The following DNAH11 variants were observed in gnomAD, a reference collection of about 807,000 sequenced individuals.
DNAH11 encodes the protein dynein axonemal heavy chain 11.
In DNAH11, 442 loss-of-function variants were observed where a neutral mutation model predicts 526.0. The ratio of observed to expected loss-of-function variants is 0.84; its 90% confidence interval spans 0.78 to 0.91. The LOEUF (loss-of-function observed/expected upper bound fraction) is 0.91. DNAH11 is among the 40% of genes least tolerant of loss of function. The pLI, the probability that DNAH11 is intolerant of heterozygous loss-of-function variation, is 0.00. For missense variants in DNAH11, 6,989 were observed against 5,448.7 expected (o/e 1.28, Z -8.90); for synonymous variants, 2,461 against 1,935.9 (o/e 1.27, Z -7.12).
In DNAH11 at chr7:21,639,091, A is replaced by G. The variant is rs765574746; in HGVS notation, c.4944+26A>G. ...GTAATATTTTTTTTGAAAGTCTCGT[A>G]TTATACTGTGTTAGCTGAGGAATGT... On this transcript the variant is annotated intron_variant, in intron 28 of 81. Transcript: ENST00000409508. 33 of 1,600,298 alleles carry G rather than the reference A, an allele frequency of 2.1e-5. No homozygotes were observed. In the East Asian group the frequency reaches 5.1e-4, roughly 25 times the overall value.
chr7:21,631,369 A>C (rs1179374352), intron 25 of DNAH11, among the ~76,000 whole-genome samples: 1 of 152,174 alleles, frequency 6.6e-6, no homozygotes, highest in Non-Finnish European at 1.5e-5. Context: ...TGCCTTCCCA[A>C]CAGTCCCCGA....
rs4722061 is a variant in DNAH11, at chr7:21,842,973, C to G, written c.10896+225C>G. ...CGTAGGAGATAGGGTGGCTCTGGAT[C>G]TTGTTTGAGGGCAAACAAAGAGGCA... On this transcript the variant is annotated intron_variant, in intron 66 of 81. Coordinates refer to ENST00000409508, the MANE Select transcript of DNAH11 (RefSeq NM_001277115.2). Among the ~76,000 whole-genome samples the G allele has an allele frequency of 0.47, 71,096 of 152,058 alleles. 19,117 individuals carry two copies. Among genetic ancestry groups the G allele is most frequent in the Non-Finnish European group, 0.61 (41,786 of 67,994 alleles).
At chr7:21,634,422 C>T (rs1365663395) in intron 25 of DNAH11, among the ~76,000 whole-genome samples, 2 of 152,260 alleles carry the variant, frequency 1.3e-5, no homozygotes, top group Middle Eastern at 3.4e-3. Context: ...ACTGTAATGT[C>T]ATAGAGAAGT....
chr7:21,898,691 T>A lies in DNAH11; in HGVS notation c.13050-645T>A, dbSNP rs181483802. On this transcript the variant is annotated intron_variant, in intron 79 of 81. Transcript: ENST00000409508. ...TGAGCCAGCTTCCTTATAGGTCAAC[T>A]GCAAATACTTCCTACCTTGCCCAAT... is the stretch of plus-strand genomic sequence containing the variant. Among the ~76,000 whole-genome samples the A allele has an allele frequency of 1.6e-4, 25 of 152,358 alleles. No individual in the cohort carries two copies. The East Asian group carries it at 4.2e-3, about 26-fold the overall frequency.
intron 70 of DNAH11, among the ~76,000 whole-genome samples, chr7:21,865,568 G>A (rs1036545241): frequency 6.6e-6 from 1 of 152,182 alleles, no homozygotes; most frequent in African/African-American, 2.4e-5. Context: ...AGTTATGGGA[G>A]AGAGCCAACC....
At chr7:21,799,694 T>G (rs1004697929) in intron 61 of DNAH11, among the ~76,000 whole-genome samples, 4 of 152,236 alleles carry the variant, frequency 2.6e-5, no homozygotes, top group Non-Finnish European at 5.9e-5. Context: ...TCTCATAAAG[T>G]TAATGCTATT....
At chr7:21,883,625 TAAA>T (rs1026443570) in intron 75 of DNAH11, among the ~76,000 whole-genome samples, 4 of 152,196 alleles carry the variant, frequency 2.6e-5, no homozygotes, top group African/African-American at 9.6e-5. Flanking sequence ...AAGCAGATAA[TAAA>T]AACATGTCAT....
At position 21,698,206 on chromosome 7, in the gene DNAH11, C is replaced by A; in HGVS notation, c.6173C>A (p.Ser2058Tyr). 1 of 1,613,344 alleles carries A rather than the reference C, an allele frequency of 6.2e-7. No individual in the cohort carries two copies. The highest frequency in any genetic ancestry group is 8.5e-7 in the Non-Finnish European group (1 of 1,179,596). Residue 2058 changes from serine (S) to tyrosine (Y), a missense_variant, in exon 36 of 82, where the codon TCC (serine) becomes TAC (tyrosine). Coordinates refer to ENST00000409508, the MANE Select transcript of DNAH11 (RefSeq NM_001277115.2). The part of the protein sequence containing the change: ...TLYTLCKELL[S>Y]KQDHYDWGLR... ...TACACGCTTTGCAAGGAGCTTCTCT[C>A]CAAGCAGGTGAGGGATCATTTGTTA...
chr7:21,675,682 A>G (rs1191967806), intron 30 of DNAH11, among the ~76,000 whole-genome samples: 2 of 152,168 alleles, frequency 1.3e-5, no homozygotes, highest in Non-Finnish European at 1.5e-5. Flanking sequence ...TTTCTTCATC[A>G]GTTCCTACAG....
intron 28 of DNAH11, among the ~76,000 whole-genome samples, chr7:21,644,946 G>A (rs1156712737): frequency 6.6e-6 from 1 of 152,068 alleles, no homozygotes; most frequent in African/African-American, 2.4e-5. Context: ...ATGAATATGT[G>A]GTTAACCACA....
intron 14 of DNAH11, among the ~76,000 whole-genome samples, chr7:21,598,769 T>C (rs1784960618): frequency 6.6e-6 from 1 of 152,180 alleles, no homozygotes; most frequent in Admixed American, 6.6e-5. Flanking sequence ...TCCCAGTGTG[T>C]GTTGTGCCCC....
intron 28 of DNAH11, among the ~76,000 whole-genome samples, chr7:21,650,934 C>T (rs370821062): frequency 2.6e-4 from 38 of 145,778 alleles, no homozygotes; most frequent in African/African-American, 8.7e-4. Flanking sequence ...GCCACCGTGC[C>T]GGGCCCAAAA....
At chr7:21,777,052 T>C (rs1396764586) in intron 56 of DNAH11, among the ~76,000 whole-genome samples, 3 of 152,088 alleles carry the variant, frequency 2.0e-5, no homozygotes, top group Non-Finnish European at 2.9e-5. Context: ...AAAGATCCCA[T>C]GTTGCCATTT....
At chr7:21,808,484 TTCTA>T (rs1296495968) in intron 63 of DNAH11, among the ~76,000 whole-genome samples, 1 of 152,236 alleles carries the variant, frequency 6.6e-6, no homozygotes, top group Non-Finnish European at 1.5e-5. Context: ...CACTTATTTC[TTCTA>T]TCTAACTGTA....
At position 21,681,625 on chromosome 7, in the gene DNAH11, G is replaced by T. The variant is rs540723676; in HGVS notation, c.5408G>T (p.Cys1803Phe). The T allele has an allele frequency of 1.9e-5, 31 of 1,613,876 alleles. 1 individual carries two copies. In the South Asian group the frequency reaches 3.3e-4, roughly 17 times the overall value. Reference sequence around the variant, plus strand: ...GACAGACAGAAGATCATGACAATTTGTACCATAGATGTCCATGCCAGAGAC... The same window carrying T: ...GACAGACAGAAGATCATGACAATTTTTACCATAGATGTCCATGCCAGAGAC... ...PGDRQKIMTI[C>F]TIDVHARDVV... is the part of the protein sequence containing the mutation. The change falls in exon 31 of 82, where the codon TGT becomes TTT. Residue 1803 changes from cysteine (C) to phenylalanine (F), a missense_variant. Transcript: ENST00000409508.
Position 21,617,668 on chromosome 7 carries a change from G to T in DNAH11, c.4145G>T (p.Gly1382Val). ...GTCCGCGTCTGGGATGCTTACACGG[G>T]CCTGGAAGGCACAGTTAAGGACATG... ...KEVRVWDAYT[G>V]LEGTVKDMTA... Residue 1382 changes from glycine (G) to valine (V), a missense_variant, in exon 23 of 82, where the codon GGC becomes GTC. Gly to Val is a moderately radical substitution (Grantham distance 109). Transcript: ENST00000409508. 1.2e-6 allele frequency: 2 copies of T among 1,613,866 alleles called. No homozygotes were observed. The highest frequency in any genetic ancestry group is 1.7e-6 in the Non-Finnish European group (2 of 1,179,832).
At chr7:21,737,403 C>T (rs574450457) in intron 46 of DNAH11, among the ~76,000 whole-genome samples, 20 of 152,250 alleles carry the variant, frequency 1.3e-4, no homozygotes, top group South Asian at 6.2e-4. Context: ...AGGCAACCAC[C>T]GATGGTTGAT....
intron 18 of DNAH11, among the ~76,000 whole-genome samples, chr7:21,601,885 G>C (rs549069421): frequency 4.0e-5 from 6 of 151,840 alleles, no homozygotes; most frequent in Non-Finnish European, 7.4e-5. Flanking sequence ...TTATTAGAAA[G>C]AATGTAGATT....
At chr7:21,845,719 A>G (rs1017692677) in intron 66 of DNAH11, among the ~76,000 whole-genome samples, 1 of 152,184 alleles carries the variant, frequency 6.6e-6, no homozygotes, top group Non-Finnish European at 1.5e-5. Context: ...GATTTTTAAT[A>G]TAAACTTTAG....
Sources: gnomAD v4.1 joint callset for allele counts (sites outside exome capture counted in the v4.1 genomes callset) on GRCh38, gnomAD v4.1.1 for gene constraint, MANE v1.5 for transcripts, NCBI Gene and HGNC (gene_info 2026-07-23, HGNC 2026-07-21) for gene names.